Variants in ADAMTS12 observed in about 807,000 individuals in gnomAD.
ADAMTS12 encodes the protein A disintegrin and metalloproteinase with thrombospondin motifs 12.
A neutral mutation model predicts 167.8 loss-of-function variants in ADAMTS12; 118 were observed. The observed-to-expected ratio is 0.70, with a 90% CI of 0.61 to 0.82. The LOEUF (loss-of-function observed/expected upper bound fraction) is 0.82, where lower values mean the gene tolerates loss of function less well. ADAMTS12 is among the 40% of genes least tolerant of loss of function. The pLI, the probability that ADAMTS12 is intolerant of heterozygous loss-of-function variation, is 0.00. For missense variants in ADAMTS12, 1,916 were observed against 1,998.8 expected, an observed-to-expected ratio of 0.96 and a Z score of 0.79; for synonymous variants, 704 against 716.9, an observed-to-expected ratio of 0.98 and a Z score of 0.29.
Position 33,621,587 on chromosome 5 carries a change from A to G in ADAMTS12, c.2143+2644T>C, listed in dbSNP as rs1739334640. On this transcript the variant is annotated intron_variant, in intron 14 of 23. Coordinates refer to ENST00000504830, the MANE Select transcript of ADAMTS12 (RefSeq NM_030955.4). Reference sequence around the variant, plus strand: ...GCATATTTGGTCTCCAGTCTTTGACATTTCTAATAAAAATGTGCTCATAAA... The same window carrying G: ...GCATATTTGGTCTCCAGTCTTTGACGTTTCTAATAAAAATGTGCTCATAAA... Among the ~76,000 whole-genome samples, 3 of 152,112 alleles carry G rather than the reference A, an allele frequency of 2.0e-5. No homozygotes were observed. In the South Asian group the frequency reaches 6.2e-4, roughly 32 times the overall value.
rs541062885 is a variant in ADAMTS12 at position 33,840,997 on chromosome 5, C to T, written c.489+40122G>A. Among the ~76,000 whole-genome samples the T allele has an allele frequency of 2.0e-5, 3 of 152,320 alleles. No homozygotes were observed. The South Asian group carries it at 6.2e-4, about 32-fold the overall frequency. On this transcript the variant is annotated intron_variant, in intron 2 of 23. Transcript: ENST00000504830. ...TCCTGCTGAACTGAGCTGCTCCCAC[C>T]CTTAGCTCTGCCATGTCCCTCCAGT...
At chr5:33,756,300 A>T (rs1281864078) in intron 2 of ADAMTS12, among the ~76,000 whole-genome samples, 2 of 152,202 alleles carry the variant, frequency 1.3e-5, no homozygotes, top group Admixed American at 1.3e-4. Flanking sequence ...CCCTCACTGG[A>T]GCGGCACTTC....
At chr5:33,565,787 A>G (rs988694572) in intron 19 of ADAMTS12, among the ~76,000 whole-genome samples, 4 of 151,226 alleles carry the variant, frequency 2.6e-5, no homozygotes, top group African/African-American at 7.3e-5. Context: ...TTGATTTACT[A>G]TAATCAAAAC....
chr5:33,669,400 T>C (rs1277924843), intron 5 of ADAMTS12, among the ~76,000 whole-genome samples: 1 of 152,144 alleles, frequency 6.6e-6, no homozygotes, highest in Non-Finnish European at 1.5e-5. Flanking sequence ...CCATATTCAA[T>C]CTGTGAAATG....
intron 20 of ADAMTS12, among the ~76,000 whole-genome samples, chr5:33,550,366 C>T (rs1418302989): frequency 6.6e-6 from 1 of 152,192 alleles, no homozygotes; most frequent in African/African-American, 2.4e-5. Context: ...TGCCATAGGC[C>T]TTCTGCTTAT....
At chr5:33,731,714 A>G (rs973712276) in intron 3 of ADAMTS12, among the ~76,000 whole-genome samples, 3 of 152,214 alleles carry the variant, frequency 2.0e-5, no homozygotes, top group African/African-American at 4.8e-5. Flanking sequence ...ACTCAGGAAC[A>G]CGATGCTCTG....
intron 2 of ADAMTS12, among the ~76,000 whole-genome samples, chr5:33,771,589 CAGAT>C (rs1243722104): frequency 3.3e-5 from 5 of 152,046 alleles, no homozygotes; most frequent in Admixed American, 2.6e-4. Context: ...ATTTGTTTAA[CAGAT>C]AGAGTTTTAG....
intron 3 of ADAMTS12, among the ~76,000 whole-genome samples, chr5:33,710,288 C>T (rs1294016058): frequency 6.6e-6 from 1 of 152,206 alleles, no homozygotes; most frequent in Non-Finnish European, 1.5e-5. Flanking sequence ...CTTCTTCACT[C>T]AGGTCTATCC....
chr5:33,692,375 C>T (rs1742583381), intron 3 of ADAMTS12, among the ~76,000 whole-genome samples: 1 of 152,128 alleles, frequency 6.6e-6, no homozygotes, highest in Non-Finnish European at 1.5e-5. Flanking sequence ...GCCTGGGTTC[C>T]TGATTGTGGA....
intron 7 of ADAMTS12, among the ~76,000 whole-genome samples, chr5:33,650,967 G>A (rs1419473404): frequency 1.3e-5 from 2 of 152,186 alleles, no homozygotes; most frequent in African/African-American, 4.8e-5. Flanking sequence ...TTGCTGAGAA[G>A]AGTCTTTGGG....
intron 3 of ADAMTS12, among the ~76,000 whole-genome samples, chr5:33,707,620 A>T (rs1010097281): frequency 6.6e-6 from 1 of 152,168 alleles, no homozygotes. Context: ...GACCAATGGA[A>T]CACAACAGAG....
chr5:33,645,452 C>T (rs1412352099), intron 9 of ADAMTS12, among the ~76,000 whole-genome samples: 1 of 152,112 alleles, frequency 6.6e-6, no homozygotes, highest in Non-Finnish European at 1.5e-5. Context: ...GTTCTAAATC[C>T]TGGCCCTGGT....
intron 16 of ADAMTS12, among the ~76,000 whole-genome samples, chr5:33,610,083 ACAAGAGAGAAT>A (rs1479544603): frequency 1.3e-5 from 2 of 152,286 alleles, no homozygotes; most frequent in African/African-American, 4.8e-5. Context: ...GGAGGCTGAG[ACAAGAGAGAAT>A]CACTTGAACC....
chr5:33,749,339 G>T (rs1744895690), intron 3 of ADAMTS12, among the ~76,000 whole-genome samples: 1 of 152,104 alleles, frequency 6.6e-6, no homozygotes, highest in South Asian at 2.1e-4. Context: ...TTGTGAGCTT[G>T]GCTATATTCT....
chr5:33,708,957 A>C (rs1743293184), intron 3 of ADAMTS12, among the ~76,000 whole-genome samples: 2 of 152,102 alleles, frequency 1.3e-5, no homozygotes, highest in African/African-American at 4.8e-5. Flanking sequence ...AAAAATAAAA[A>C]ATAAAAAAAC....
In ADAMTS12 at chr5:33,823,761, G is replaced by T. The variant is rs558225584; in HGVS notation, c.489+57358C>A. 1.3e-4 allele frequency among the ~76,000 whole-genome samples: 20 copies of T among 151,872 alleles called. No individual in the cohort carries two copies. In the South Asian group the frequency reaches 3.9e-3, roughly 30 times the overall value. On this transcript the variant is annotated intron_variant, in intron 2 of 23. Transcript: ENST00000504830. Reference sequence around the variant, plus strand: ...ATATTATGGAATCCAAATAAAATATGTTGTATGTCTTCGTTAATCCGTTTC... The same window carrying T: ...ATATTATGGAATCCAAATAAAATATTTTGTATGTCTTCGTTAATCCGTTTC...
chr5:33,617,615 A>G (rs1739092566), intron 14 of ADAMTS12, among the ~76,000 whole-genome samples: 1 of 152,200 alleles, frequency 6.6e-6, no homozygotes, highest in African/African-American at 2.4e-5. Context: ...GATCACATGT[A>G]ATCGAGGCTA....
chr5:33,581,642 C>T (rs751858171), intron 18 of ADAMTS12, among the ~76,000 whole-genome samples: 9 of 152,156 alleles, frequency 5.9e-5, no homozygotes, highest in Admixed American at 5.9e-4. Flanking sequence ...AGATCTCATA[C>T]AAACACCAGC....
At chr5:33,786,939 T>A (rs971103321) in intron 2 of ADAMTS12, among the ~76,000 whole-genome samples, 16 of 152,188 alleles carry the variant, frequency 1.1e-4, no homozygotes, top group Admixed American at 1.0e-3. Context: ...GGGATCCCCC[T>A]CTTATATCAA....
Sources: allele counts gnomAD v4.1 joint callset (sites outside exome capture counted in the v4.1 genomes callset), GRCh38; gene constraint gnomAD v4.1.1; transcripts MANE v1.5; gene names NCBI Gene and HGNC (gene_info 2026-07-23, HGNC 2026-07-21).